The following TMEM192 variants were observed in gnomAD, a reference collection of about 807,000 sequenced individuals.
TMEM192 encodes transmembrane protein 192.
TMEM192 carries 20 observed loss-of-function variants against 26.7 expected under a neutral mutation model. That is an observed-to-expected ratio of 0.75 (90% confidence interval 0.53 to 1.09). The LOEUF is 1.09. Ranked by LOEUF, TMEM192 falls within the 50% of genes least tolerant of loss-of-function variation. The pLI is 0.00. For synonymous variants in TMEM192, 124 were observed against 121.0 expected (o/e 1.02, Z -0.16); for missense variants, 304 against 322.6 (o/e 0.94, Z 0.44).
chr4:165,109,089 T>C (rs568675024), intron 1 of TMEM192, among the ~76,000 whole-genome samples: 14 of 152,358 alleles, frequency 9.2e-5, no homozygotes, highest in African/African-American at 2.9e-4. Flanking sequence ...GTATATCTAT[T>C]CCCAGTTACT....
intron 1 of TMEM192, among the ~76,000 whole-genome samples, chr4:165,105,628 C>A (rs1208087428): frequency 6.6e-6 from 1 of 152,108 alleles, no homozygotes; most frequent in African/African-American, 2.4e-5. Flanking sequence ...ACTATTATTT[C>A]TTTATTAACT....
At chr4:165,093,097 C>CTTTTTTT (rs35970962) in intron 3 of TMEM192, among the ~76,000 whole-genome samples, 2 of 120,948 alleles carry the variant, frequency 1.7e-5, no homozygotes, top group Non-Finnish European at 3.2e-5. Context: ...TTTTTTTCTT[C>CTTTTTTT]TTTTTTTTTT....
chr4:165,092,377 C>T (rs2110763430), intron 3 of TMEM192, among the ~76,000 whole-genome samples: 1 of 152,262 alleles, frequency 6.6e-6, no homozygotes, highest in Non-Finnish European at 1.5e-5. Flanking sequence ...GAGCCTCGGC[C>T]TCCCAAAGTG....
At chr4:165,088,973 T>G (rs921904855) in intron 3 of TMEM192, among the ~76,000 whole-genome samples, 1 of 144,618 alleles carries the variant, frequency 6.9e-6, no homozygotes, top group African/African-American at 2.6e-5. Flanking sequence ...CCTGGGAGGT[T>G]GAGGCTGCAG....
At chr4:165,092,112 CTTTTTTTTTTT>C (rs35641833) in intron 3 of TMEM192, among the ~76,000 whole-genome samples, 4 of 72,074 alleles carry the variant, frequency 5.5e-5, no homozygotes, top group Non-Finnish European at 6.9e-5. Flanking sequence ...TAATGCTGTT[CTTTTTTTTTTT>C]TTTTTTTTTT....
intron 1 of TMEM192, among the ~76,000 whole-genome samples, chr4:165,103,878 T>C (rs1347214196): frequency 6.6e-6 from 1 of 151,398 alleles, no homozygotes; most frequent in East Asian, 1.9e-4. Flanking sequence ...GTGTTGGCCA[T>C]GCTGGTCTCA....
intron 3 of TMEM192, among the ~76,000 whole-genome samples, chr4:165,094,571 C>T (rs756069750): frequency 7.8e-4 from 119 of 151,644 alleles, no homozygotes; most frequent in Admixed American, 1.4e-3. Flanking sequence ...GCAGAAGAAT[C>T]GCTTGAACCC....
intron 4 of TMEM192, 125 bp from the exon 5 acceptor site, chr4:165,085,813 G>C (rs1038630495): frequency 1.5e-6 from 1 of 654,930 alleles, no homozygotes; most frequent in Non-Finnish European, 2.6e-6. Flanking sequence ...CTATGTGCCA[G>C]GCCTGTTCTA....
At chr4:165,087,184 G>C (rs1280213874) in intron 4 of TMEM192, among the ~76,000 whole-genome samples, 1 of 151,972 alleles carries the variant, frequency 6.6e-6, no homozygotes, top group Admixed American at 6.6e-5. Flanking sequence ...TCAGCTATTA[G>C]AAAACTCTGG....
Position 165,074,928 on chromosome 4 carries a change from A to C in TMEM192, c.*4730T>G, listed in dbSNP as rs1248495402. The C allele has an allele frequency of 1.3e-5, 2 of 152,218 alleles. No individual in the cohort carries two copies. Among genetic ancestry groups the C allele is most frequent in the African/African-American group, 4.8e-5 (2 of 41,446 alleles). The allele number at this position is 152,218 out of a possible 1,614,324, so 9.4% of individuals were successfully genotyped here. A position where few individuals can be genotyped will look rare whatever the true frequency, so the allele number is the denominator to read the frequency against. Reference sequence around the variant, plus strand: ...AGAATATCCTGGGACAATAATAAGCAAAGGACTTGAATATACATGTCATAA... The same window carrying C: ...AGAATATCCTGGGACAATAATAAGCCAAGGACTTGAATATACATGTCATAA... On this transcript the variant is annotated 3_prime_UTR_variant, in exon 6 of 6. Coordinates refer to ENST00000306480, the MANE Select transcript of TMEM192 (RefSeq NM_001100389.2).
At chr4:165,097,525 C>T (rs1271780074) in intron 3 of TMEM192, among the ~76,000 whole-genome samples, 1 of 144,450 alleles carries the variant, frequency 6.9e-6, no homozygotes, top group African/African-American at 2.5e-5. Flanking sequence ...AAAGAAAATG[C>T]ACTAACAGAA....
rs566365385 is a variant in TMEM192, at chr4:165,070,620, C to G, written c.*9038G>C. Reference sequence around the variant, plus strand: ...TGATTATAAAAACTAGCAGTCTTATCTCTTTTATTTCTGATATGTTGTTAT... The same window carrying G: ...TGATTATAAAAACTAGCAGTCTTATGTCTTTTATTTCTGATATGTTGTTAT... On this transcript the variant is annotated 3_prime_UTR_variant, in exon 6 of 6. Coordinates refer to ENST00000306480, the MANE Select transcript of TMEM192 (RefSeq NM_001100389.2). The G allele has an allele frequency of 2.8e-4, 42 of 152,284 alleles. No homozygotes were observed. The highest frequency in any genetic ancestry group is 8.9e-4 in the African/African-American group (37 of 41,558). The allele number at this position is 152,284 out of a possible 1,614,324, so 9.4% of individuals were successfully genotyped here.
chr4:165,081,388 ATT>A (rs1194167956), intron 5 of TMEM192, among the ~76,000 whole-genome samples: 2 of 139,886 alleles, frequency 1.4e-5, no homozygotes, highest in Admixed American at 7.2e-5. Context: ...CCGAGTCTCT[ATT>A]TTTTTTTTTT....
Position 165,076,815 on chromosome 4 carries a change from T to A in TMEM192, c.*2843A>T, listed in dbSNP as rs1415891912. 1 of 152,260 alleles carries A rather than the reference T, an allele frequency of 6.6e-6. No individual in the cohort carries two copies. The highest frequency in any genetic ancestry group is 1.5e-5 in the Non-Finnish European group (1 of 68,056). 9.4% of individuals were successfully genotyped at this position (152,260 alleles called of 1,614,324 possible). A position where few individuals can be genotyped will look rare whatever the true frequency, so the allele number is the denominator to read the frequency against. ...TTTTTCTGTTTTGTTACTTCTTTTT[T>A]TTTTGAGATCGAGTCTAGCTCTGTT... On this transcript the variant is annotated 3_prime_UTR_variant, in exon 6 of 6. Coordinates refer to ENST00000306480, the MANE Select transcript of TMEM192 (RefSeq NM_001100389.2).
rs1212735293 is a variant in TMEM192, at chr4:165,073,972, G to A, written c.*5686C>T. 1 of 152,066 alleles carries A rather than the reference G, an allele frequency of 6.6e-6. No homozygotes were observed. The highest frequency in any genetic ancestry group is 1.9e-4 in the East Asian group (1 of 5,180). 9.4% of individuals were successfully genotyped at this position (152,066 alleles called of 1,614,324 possible). A position where few individuals can be genotyped will look rare whatever the true frequency, so the allele number is the denominator to read the frequency against. On this transcript the variant is annotated 3_prime_UTR_variant, in exon 6 of 6. Transcript: ENST00000306480. Reference sequence around the variant, plus strand: ...TACTAACAGAACTCAAGAGACCGGCGCCGGTGCAGGTCCTCGCATGCTGGG... The same window carrying A: ...TACTAACAGAACTCAAGAGACCGGCACCGGTGCAGGTCCTCGCATGCTGGG...
At chr4:165,088,372 A>G (rs1306661140) in intron 4 of TMEM192, 96 bp downstream of exon 4, 3 of 1,288,714 alleles carry the variant, frequency 2.3e-6, no homozygotes, top group Non-Finnish European at 3.2e-6. Flanking sequence ...TCAGATACAC[A>G]GAGAACTTCC....
intron 3 of TMEM192, among the ~76,000 whole-genome samples, chr4:165,098,844 C>T (rs1578909579): frequency 1.3e-5 from 2 of 151,212 alleles, no homozygotes; most frequent in South Asian, 4.2e-4. Context: ...ACTACAGGCG[C>T]GTGCCACCAC....
intron 3 of TMEM192, among the ~76,000 whole-genome samples, chr4:165,089,442 C>T (rs1734702177): frequency 6.6e-6 from 1 of 152,154 alleles, no homozygotes; most frequent in African/African-American, 2.4e-5. Flanking sequence ...CTGCCTCAGC[C>T]TCCCGAGTAG....
rs1734266380 is a variant in TMEM192 at position 165,071,146 on chromosome 4, A to G, written c.*8512T>C. 6.6e-6 allele frequency: 1 copy of G among 152,218 alleles called. No individual in the cohort carries two copies. The highest frequency in any genetic ancestry group is 1.5e-5 in the Non-Finnish European group (1 of 68,038). 9.4% of individuals were successfully genotyped at this position (152,218 alleles called of 1,614,324 possible). On this transcript the variant is annotated 3_prime_UTR_variant, in exon 6 of 6. Transcript: ENST00000306480. Reference sequence around the variant, plus strand: ...ATCCACACATAACTACAATAAAGTTAAATTTATAAATTAGGCACAGAGAGT... The same window carrying G: ...ATCCACACATAACTACAATAAAGTTGAATTTATAAATTAGGCACAGAGAGT...
Sources: gnomAD v4.1 joint callset for allele counts (sites outside exome capture counted in the v4.1 genomes callset) on GRCh38, gnomAD v4.1.1 for gene constraint, MANE v1.5 for transcripts, NCBI Gene and HGNC (gene_info 2026-07-23, HGNC 2026-07-21) for gene names.